DPP10: variants seen among roughly 807,000 people sequenced by gnomAD.
DPP10 encodes the protein inactive dipeptidyl peptidase 10.
A neutral mutation model predicts 120.9 loss-of-function variants in DPP10; 33 were observed. The ratio of observed to expected loss-of-function variants is 0.27; its 90% CI spans 0.21 to 0.37. DPP10 has a LOEUF of 0.37. Ranked by LOEUF, DPP10 falls within the 10% of genes least tolerant of loss-of-function variation. The probability of loss-of-function intolerance (pLI) is 1.00; values close to 1 mark genes in which losing one functional copy is unlikely to be tolerated. For missense variants in DPP10, 816 were observed against 942.8 expected, an observed-to-expected ratio of 0.87 and a Z score of 1.76; for synonymous variants, 337 against 326.1, an observed-to-expected ratio of 1.03 and a Z score of -0.36.
chr2:115,110,796 T>C (rs1018852053), intron 1 of DPP10, among the ~76,000 whole-genome samples: 1 of 152,176 alleles, frequency 6.6e-6, no homozygotes, highest in African/African-American at 2.4e-5. Context: ...ATTTACTAGC[T>C]TTAGATAGTA....
At chr2:115,659,297 A>G (rs1188533128) in intron 5 of DPP10, among the ~76,000 whole-genome samples, 1 of 152,132 alleles carries the variant, frequency 6.6e-6, no homozygotes, top group Non-Finnish European at 1.5e-5. Context: ...TAGCAGCACA[A>G]GTGAACTAAG....
chr2:114,726,864 T>C (rs1181760679), intron 1 of DPP10, among the ~76,000 whole-genome samples: 1 of 152,224 alleles, frequency 6.6e-6, no homozygotes, highest in Non-Finnish European at 1.5e-5. Context: ...GATTAGAATT[T>C]TTAATATTAA....
At chr2:114,941,742 T>G (rs767075485) in intron 1 of DPP10, among the ~76,000 whole-genome samples, 1 of 152,144 alleles carries the variant, frequency 6.6e-6, no homozygotes, top group Non-Finnish European at 1.5e-5. Context: ...TACCAGGTAA[T>G]AGACTCAGTG....
chr2:114,748,246 A>G (rs766814603), intron 1 of DPP10, among the ~76,000 whole-genome samples: 30 of 151,428 alleles, frequency 2.0e-4, no homozygotes, highest in Admixed American at 9.2e-4. Flanking sequence ...AGGGAGCAGA[A>G]ACTGCTTGCA....
chr2:115,750,630 A>C (rs1370620586), intron 10 of DPP10, among the ~76,000 whole-genome samples: 4 of 152,230 alleles, frequency 2.6e-5, no homozygotes, highest in African/African-American at 9.6e-5. Flanking sequence ...ATTTAATCAA[A>C]GAGAACTATA....
At chr2:115,038,869 C>T (rs1704430509) in intron 1 of DPP10, among the ~76,000 whole-genome samples, 1 of 152,176 alleles carries the variant, frequency 6.6e-6, no homozygotes, top group African/African-American at 2.4e-5. Flanking sequence ...CATCAGAGCC[C>T]TTCCTTTTAA....
intron 5 of DPP10, among the ~76,000 whole-genome samples, chr2:115,680,367 G>A (rs2090567497): frequency 6.6e-6 from 1 of 151,866 alleles, no homozygotes; most frequent in African/African-American, 2.4e-5. Context: ...TTTTAAAGGT[G>A]CAATATAATC....
At chr2:115,679,127 T>A (rs2090477780) in intron 5 of DPP10, among the ~76,000 whole-genome samples, 3 of 152,154 alleles carry the variant, frequency 2.0e-5, no homozygotes, top group African/African-American at 7.2e-5. Flanking sequence ...AATGCTGGAA[T>A]GAGTTAAGAC....
intron 1 of DPP10, among the ~76,000 whole-genome samples, chr2:114,860,486 C>G (rs1689726557): frequency 6.6e-6 from 1 of 152,058 alleles, no homozygotes; most frequent in Admixed American, 6.6e-5. Flanking sequence ...TTGTAATTTT[C>G]CATTTAAAAT....
intron 19 of DPP10, among the ~76,000 whole-genome samples, chr2:115,801,697 A>G (rs1469362010): frequency 6.6e-6 from 1 of 151,876 alleles, no homozygotes; most frequent in Admixed American, 6.6e-5. Flanking sequence ...TAATAATGTG[A>G]TTTTTATCTT....
chr2:115,446,369 A>G (rs996986231), intron 3 of DPP10, among the ~76,000 whole-genome samples: 1 of 152,234 alleles, frequency 6.6e-6, no homozygotes, highest in Non-Finnish European at 1.5e-5. Flanking sequence ...ACTTCCCAGT[A>G]GAGCTGTGAG....
At chr2:115,359,329 A>C (rs1248649393) in intron 3 of DPP10, among the ~76,000 whole-genome samples, 2 of 152,184 alleles carry the variant, frequency 1.3e-5, no homozygotes, top group Non-Finnish European at 2.9e-5. Context: ...TTTGGTGATA[A>C]TAAATTCCCT....
intron 1 of DPP10, among the ~76,000 whole-genome samples, chr2:115,228,379 T>C (rs1277115335): frequency 1.3e-5 from 2 of 152,110 alleles, no homozygotes; most frequent in Admixed American, 1.3e-4. Flanking sequence ...TATACTCTTT[T>C]AGTTATTTTA....
chr2:115,572,374 GT>G, intron 5 of DPP10, among the ~76,000 whole-genome samples: 1 of 152,102 alleles, frequency 6.6e-6, no homozygotes, highest in East Asian at 1.9e-4. Context: ...AAAAAGTTAT[GT>G]TTTTCAAACT....
At chr2:115,664,893 A>G (rs914736965) in intron 5 of DPP10, among the ~76,000 whole-genome samples, 1 of 131,452 alleles carries the variant, frequency 7.6e-6, no homozygotes, top group African/African-American at 2.5e-5. Flanking sequence ...TCATATTTAC[A>G]TTCACATTAA....
At chr2:115,139,560 T>C (rs1157193956) in intron 1 of DPP10, among the ~76,000 whole-genome samples, 1 of 151,868 alleles carries the variant, frequency 6.6e-6, no homozygotes, top group Non-Finnish European at 1.5e-5. Context: ...AAATGGACAT[T>C]CTGGGCTGAG....
At chr2:114,822,842 C>T (rs936613039) in intron 1 of DPP10, among the ~76,000 whole-genome samples, 1 of 152,176 alleles carries the variant, frequency 6.6e-6, no homozygotes, top group Non-Finnish European at 1.5e-5. Context: ...ATGACATTTA[C>T]TCTAGTTCTC....
intron 5 of DPP10, among the ~76,000 whole-genome samples, chr2:115,623,141 G>A (rs1278486674): frequency 2.6e-5 from 4 of 152,004 alleles, no homozygotes; most frequent in Non-Finnish European, 5.9e-5. Context: ...CACCGTGCCC[G>A]GCTCCATTCA....
intron 1 of DPP10, among the ~76,000 whole-genome samples, chr2:115,152,358 G>A (rs924164573): frequency 6.6e-6 from 1 of 152,190 alleles, no homozygotes; most frequent in Non-Finnish European, 1.5e-5. Flanking sequence ...CCAGTCTCTG[G>A]TCCATAGGAA....
Sources: gnomAD v4.1 joint callset for allele counts (sites outside exome capture counted in the v4.1 genomes callset) on GRCh38, gnomAD v4.1.1 for gene constraint, MANE v1.5 for transcripts, NCBI Gene and HGNC (gene_info 2026-07-23, HGNC 2026-07-21) for gene names.